NEMP2: variants seen among roughly 807,000 people sequenced by gnomAD.
The protein encoded by NEMP2 is UPF0571 transmembrane protein.
In NEMP2, 53 loss-of-function variants were observed where a neutral mutation model predicts 54.2. The observed-to-expected ratio is 0.98, with a 90% CI of 0.78 to 1.23. The LOEUF (loss-of-function observed/expected upper bound fraction) is 1.23, where lower values mean the gene tolerates loss of function less well. Ranked by LOEUF, NEMP2 falls within the 50% of genes most tolerant of loss-of-function variation. NEMP2 has a pLI of 0.00. For synonymous variants in NEMP2, 197 were observed against 190.3 expected, an observed-to-expected ratio of 1.04 and a Z score of -0.29; for missense variants, 455 against 511.3, an observed-to-expected ratio of 0.89 and a Z score of 1.06.
chr2:190,605,721 C>A, the NEMP2 span, among the ~76,000 whole-genome samples: 2 of 152,206 alleles, frequency 1.3e-5, no homozygotes, highest in Admixed American at 6.5e-5. Flanking sequence ...CTCAACTTTT[C>A]ATTTCTTGTT....
chr2:190,536,529 C>T (rs1691383138), upstream of NEMP2, among the ~76,000 whole-genome samples: 1 of 152,198 alleles, frequency 6.6e-6, no homozygotes, highest in African/African-American at 2.4e-5. Flanking sequence ...GAAAGCCCCA[C>T]ATCTAAGGTT....
chr2:190,422,061 T>C, the NEMP2 span, among the ~76,000 whole-genome samples: 1 of 152,240 alleles, frequency 6.6e-6, no homozygotes, highest in Non-Finnish European at 1.5e-5. Flanking sequence ...TGTATGACTG[T>C]GTAATCATAA....
At chr2:190,479,238 T>A in the NEMP2 span, among the ~76,000 whole-genome samples, 22 of 152,252 alleles carry the variant, frequency 1.4e-4, no homozygotes, top group Non-Finnish European at 2.1e-4. Flanking sequence ...ATCTTTCTCA[T>A]GTTCAGTAAG....
At chr2:190,586,042 G>A in the NEMP2 span, among the ~76,000 whole-genome samples, 1 of 152,138 alleles carries the variant, frequency 6.6e-6, no homozygotes, top group African/African-American at 2.4e-5. This position sits in a 1 kb window ranked among gnomAD's most constrained non-coding sequence, Gnocchi z 4.5. Flanking sequence ...TCTAAGCTTG[G>A]TGAGGTTTTT....
the NEMP2 span, among the ~76,000 whole-genome samples, chr2:190,478,314 G>A: frequency 6.6e-5 from 10 of 152,164 alleles, no homozygotes; most frequent in Non-Finnish European, 1.3e-4. Flanking sequence ...AGAGCTCTTT[G>A]TTTCTAATGC....
chr2:190,466,974 T>G, the NEMP2 span, among the ~76,000 whole-genome samples: 1 of 152,190 alleles, frequency 6.6e-6, no homozygotes, highest in Non-Finnish European at 1.5e-5. Context: ...CAATTGACAC[T>G]GGGTTATTTT....
chr2:190,496,740 AATGAATTAATGGCATTCACAGCAACC>A, the NEMP2 span, among the ~76,000 whole-genome samples: 1 of 152,322 alleles, frequency 6.6e-6, no homozygotes, highest in South Asian at 2.1e-4. This position sits in a 1 kb window ranked among gnomAD's most constrained non-coding sequence, Gnocchi z 4.7. Flanking sequence ...CATAAAAAGG[AATGAATTAATGGCATTCACAGCAACC>A]TGGATGGAAC....
chr2:190,550,628 C>T, the NEMP2 span, among the ~76,000 whole-genome samples: 1 of 152,078 alleles, frequency 6.6e-6, no homozygotes, highest in African/African-American at 2.4e-5. The surrounding 1 kb of genome is among the most constrained non-coding windows in gnomAD (Gnocchi z 4.7). Context: ...GTACTTTTTT[C>T]ATATCATCTC....
the NEMP2 span, among the ~76,000 whole-genome samples, chr2:190,551,203 G>T: frequency 6.7e-6 from 1 of 149,052 alleles, no homozygotes; most frequent in Non-Finnish European, 1.5e-5. Context: ...TCATATTATT[G>T]TTTAGGGAAA....
At chr2:190,482,015 A>AC in the NEMP2 span, among the ~76,000 whole-genome samples, 1 of 151,944 alleles carries the variant, frequency 6.6e-6, no homozygotes. Flanking sequence ...GTTAGGTATG[A>AC]CCATGTGGTT....
chr2:190,458,167 G>A, the NEMP2 span, among the ~76,000 whole-genome samples: 575 of 152,230 alleles, frequency 3.8e-3, 3 homozygotes, highest in African/African-American at 0.013. This position sits in a 1 kb window ranked among gnomAD's most constrained non-coding sequence, Gnocchi z 5.3. Context: ...TGACCTCGAA[G>A]GGCATTTTAA....
At chr2:190,428,283 T>C in the NEMP2 span, among the ~76,000 whole-genome samples, 1 of 152,220 alleles carries the variant, frequency 6.6e-6, no homozygotes, top group Non-Finnish European at 1.5e-5. Context: ...GCCATTAAAA[T>C]TATTCTGCAG....
Position 190,516,377 on chromosome 2 carries a change from G to T in NEMP2, c.620C>A (p.Thr207Asn), listed in dbSNP as rs1327437781. Residue 207 changes from threonine to asparagine, a missense_variant, in exon 6 of 9, where the codon ACC becomes AAC. Transcript: ENST00000409150. Reference protein sequence around the residue: ...LVKRFIPKYSTFWALMVGCWF... With the variant: ...LVKRFIPKYSNFWALMVGCWF... ...ACAACCAACCATTAGAGCCCAAAAG[G>T]TGCTATACTGTGTGTGGAAGAAAAT... 1.3e-6 allele frequency: 2 copies of T among 1,544,022 alleles called. No individual in the cohort carries two copies. Among genetic ancestry groups the T allele is most frequent in the African/African-American group, 2.8e-5 (2 of 72,324 alleles).
At position 190,514,833 on chromosome 2, in the gene NEMP2, G is replaced by T. The variant is rs573000406; in HGVS notation, c.728-155C>A. ...AGTAAGGTTGAAAAATGCACATAGG[G>T]TGTTATTCCTTCCATATGAGATACT... On this transcript the variant is annotated intron_variant, in intron 6 of 8. Coordinates refer to ENST00000409150, the MANE Select transcript of NEMP2 (RefSeq NM_001142645.2). This position sits in a 1 kb window ranked among gnomAD's most constrained non-coding sequence, Gnocchi z 5.7. 4.3e-4 allele frequency among the ~76,000 whole-genome samples: 65 copies of T among 152,172 alleles called. 1 individual carries two copies. The South Asian group carries it at 0.012, about 28-fold the overall frequency.
At chr2:190,598,134 G>A in the NEMP2 span, among the ~76,000 whole-genome samples, 1 of 151,974 alleles carries the variant, frequency 6.6e-6, no homozygotes, top group Non-Finnish European at 1.5e-5. Context: ...TCTCCCTACC[G>A]ACAACCCCCA....
chr2:190,462,595 C>T, the NEMP2 span, among the ~76,000 whole-genome samples: 1 of 152,098 alleles, frequency 6.6e-6, no homozygotes, highest in Non-Finnish European at 1.5e-5. The surrounding 1 kb of genome is among the most constrained non-coding windows in gnomAD (Gnocchi z 5.7). Flanking sequence ...CTTCAGTGTG[C>T]AACAGACTGT....
At chr2:190,549,278 C>T in the NEMP2 span, among the ~76,000 whole-genome samples, 1 of 152,182 alleles carries the variant, frequency 6.6e-6, no homozygotes, top group Non-Finnish European at 1.5e-5. Flanking sequence ...CTGACTGACT[C>T]TCTTTTTGTG....
chr2:190,493,432 G>A, the NEMP2 span, among the ~76,000 whole-genome samples: 1 of 152,180 alleles, frequency 6.6e-6, no homozygotes, highest in South Asian at 2.1e-4. Context: ...CACAATAATA[G>A]TGGGAGACGT....
chr2:190,604,509 T>G, the NEMP2 span, among the ~76,000 whole-genome samples: 1 of 152,216 alleles, frequency 6.6e-6, no homozygotes, highest in Non-Finnish European at 1.5e-5. This position sits in a 1 kb window ranked among gnomAD's most constrained non-coding sequence, Gnocchi z 4.5. Context: ...CTCAGCCCAG[T>G]GCCGTTGGGA....
Sources: allele counts gnomAD v4.1 joint callset (sites outside exome capture counted in the v4.1 genomes callset), GRCh38; gene constraint gnomAD v4.1.1; non-coding constraint Gnocchi (gnomAD v3.1); transcripts MANE v1.5; gene names NCBI Gene and HGNC (gene_info 2026-07-23, HGNC 2026-07-21).